Variants in ADCY5 observed in about 807,000 individuals in gnomAD.
ADCY5 encodes adenylate cyclase 5, also known as adenylate cyclase type 5.
Under a neutral mutation model 119.7 loss-of-function variants are expected in ADCY5, and 30 were observed. The ratio of observed to expected loss-of-function variants is 0.25; its 90% CI spans 0.19 to 0.34. The LOEUF is 0.34. ADCY5 is among the 10% of genes least tolerant of loss of function. The probability of loss-of-function intolerance (pLI) is 1.00; values close to 1 mark genes in which losing one functional copy is unlikely to be tolerated. For missense variants in ADCY5, 1,324 were observed against 1,775.2 expected, an observed-to-expected ratio of 0.75 and a Z score of 4.57; for synonymous variants, 753 against 762.2, an observed-to-expected ratio of 0.99 and a Z score of 0.20.
intron 1 of ADCY5, among the ~76,000 whole-genome samples, chr3:123,412,912 G>A (rs377153179): frequency 3.3e-5 from 5 of 152,044 alleles, no homozygotes; most frequent in African/African-American, 1.2e-4. Flanking sequence ...AGCTGGTGAC[G>A]GCGTCCCTCT....
intron 1 of ADCY5, among the ~76,000 whole-genome samples, chr3:123,403,147 C>T (rs921347469): frequency 3.3e-5 from 5 of 151,980 alleles, no homozygotes; most frequent in Non-Finnish European, 5.9e-5. Flanking sequence ...CGGGGGGCCG[C>T]GGCAGGCAGA....
At chr3:123,289,184 G>A (rs1481451383) in intron 19 of ADCY5, among the ~76,000 whole-genome samples, 1 of 152,172 alleles carries the variant, frequency 6.6e-6, no homozygotes, top group East Asian at 1.9e-4. Context: ...CAGATTACAT[G>A]TTTGATGTTG....
intron 1 of ADCY5, among the ~76,000 whole-genome samples, chr3:123,400,329 G>T (rs1384859532): frequency 2.0e-5 from 3 of 152,144 alleles, no homozygotes; most frequent in Admixed American, 2.0e-4. Context: ...CCTTCTAGTG[G>T]GAATGTGAAC....
intron 14 of ADCY5, among the ~76,000 whole-genome samples, chr3:123,300,802 C>T (rs896563049): frequency 1.3e-5 from 2 of 152,346 alleles, no homozygotes; most frequent in African/African-American, 2.4e-5. Context: ...CACGCCTGAA[C>T]GGAGCTGCTC....
At chr3:123,330,655 C>T (rs1941717471) in intron 5 of ADCY5, among the ~76,000 whole-genome samples, 1 of 152,246 alleles carries the variant, frequency 6.6e-6, no homozygotes, top group African/African-American at 2.4e-5. Context: ...GCCCTCCCCT[C>T]CCACACACTT....
chr3:123,424,399 C>A (rs552402606), intron 1 of ADCY5, among the ~76,000 whole-genome samples: 1 of 152,284 alleles, frequency 6.6e-6, no homozygotes, highest in South Asian at 2.1e-4. Flanking sequence ...GAGAAGCAGA[C>A]CTTGGGGCCT....
rs749493312 is a variant in ADCY5, at chr3:123,426,659, C to T, written c.1134+20753G>A. Among the ~76,000 whole-genome samples the T allele has an allele frequency of 5.9e-5, 9 of 152,046 alleles. No homozygotes were observed. The East Asian group carries it at 1.2e-3, about 20-fold the overall frequency. ...GCTGACATTCTAAAGAGGTTATGGA[C>T]GGAAGGAGGGCAAGGAATAAACAGA... On this transcript the variant is annotated intron_variant, in intron 1 of 20. Transcript: ENST00000462833.
chr3:123,368,811 A>G (rs535112119), intron 1 of ADCY5, among the ~76,000 whole-genome samples: 2 of 151,948 alleles, frequency 1.3e-5, no homozygotes, highest in African/African-American at 2.4e-5. Context: ...TTGTGTCCCT[A>G]TTATCCAGGA....
intron 1 of ADCY5, among the ~76,000 whole-genome samples, chr3:123,402,914 G>A (rs1944809314): frequency 6.6e-6 from 1 of 151,380 alleles, no homozygotes; most frequent in African/African-American, 2.4e-5. Flanking sequence ...TCGCAGGGAA[G>A]ATGTATTTAT....
At chr3:123,409,820 C>T (rs1294668506) in intron 1 of ADCY5, among the ~76,000 whole-genome samples, 3 of 152,294 alleles carry the variant, frequency 2.0e-5, no homozygotes, top group Non-Finnish European at 4.4e-5. Flanking sequence ...CCTCACTCAC[C>T]GGCCCCTCCC....
rs544717165 is a variant in ADCY5 at position 123,415,375 on chromosome 3, G to T, written c.1134+32037C>A. On this transcript the variant is annotated intron_variant, in intron 1 of 20. Transcript: ENST00000462833. ...TCCACGCCAGAGCCAGAGTGGGCCC[G>T]CCAGGTGTCAGTGTGCCTGTGGCCT... 3.7e-4 allele frequency among the ~76,000 whole-genome samples: 57 copies of T among 152,240 alleles called. 1 individual carries two copies. In the South Asian group the frequency reaches 0.012, roughly 32 times the overall value.
intron 1 of ADCY5, among the ~76,000 whole-genome samples, chr3:123,367,017 A>G (rs1466980291): frequency 3.3e-5 from 5 of 152,230 alleles, no homozygotes; most frequent in African/African-American, 9.6e-5. Context: ...TCTGCCTTCC[A>G]TTCTCCTGCA....
chr3:123,327,058 T>C (rs1286339628), intron 7 of ADCY5, among the ~76,000 whole-genome samples: 1 of 152,136 alleles, frequency 6.6e-6, no homozygotes, highest in African/African-American at 2.4e-5. Context: ...GCTTTAAAAA[T>C]TAAGAGCATG....
chr3:123,383,967 C>T (rs866600111), intron 1 of ADCY5, among the ~76,000 whole-genome samples: 24 of 131,326 alleles, frequency 1.8e-4, no homozygotes, highest in African/African-American at 5.1e-4. Flanking sequence ...CGTGCGCGCG[C>T]GCACACACAC....
intron 15 of ADCY5, among the ~76,000 whole-genome samples, chr3:123,299,415 A>C (rs1939703017): frequency 6.6e-6 from 1 of 152,236 alleles, no homozygotes. Context: ...AAAAATTATG[A>C]GGTTCAGAGG....
chr3:123,335,654 T>C (rs1269715282), intron 3 of ADCY5, among the ~76,000 whole-genome samples: 1 of 152,086 alleles, frequency 6.6e-6, no homozygotes, highest in Non-Finnish European at 1.5e-5. Flanking sequence ...ACCGGACAGG[T>C]ACAGGACCCC....
chr3:123,435,341 T>C (rs1393251815), intron 1 of ADCY5, among the ~76,000 whole-genome samples: 1 of 152,174 alleles, frequency 6.6e-6, no homozygotes, highest in African/African-American at 2.4e-5. Flanking sequence ...GAGTTTTAGA[T>C]GCTTGAGCAC....
At chr3:123,296,365 C>T (rs1432646681) in intron 16 of ADCY5, 149 bp from the exon 17 acceptor site, 34 of 932,898 alleles carry the variant, frequency 3.6e-5, no homozygotes, top group Middle Eastern at 3.1e-4. Flanking sequence ...CTTTGCCGCA[C>T]GCGTGCCTCC....
At chr3:123,296,239 C>G (rs764674688) in intron 16 of ADCY5, 23 bp from the exon 17 acceptor site, 3 of 1,610,012 alleles carry the variant, frequency 1.9e-6, no homozygotes, top group East Asian at 2.2e-5. Flanking sequence ...GGTGGACAGG[C>G]CTGAGACGGC....
Sources: allele counts gnomAD v4.1 joint callset (sites outside exome capture counted in the v4.1 genomes callset), GRCh38; gene constraint gnomAD v4.1.1; transcripts MANE v1.5; gene names NCBI Gene and HGNC (gene_info 2026-07-23, HGNC 2026-07-21).